NRG2: variants seen among roughly 807,000 people sequenced by gnomAD.
The protein encoded by NRG2 is neuregulin 2, also known as pro-neuregulin-2, membrane-bound isoform.
NRG2 carries 27 observed loss-of-function variants against 73.9 expected under a neutral mutation model. The observed-to-expected ratio is 0.37, with a 90% CI of 0.27 to 0.50. NRG2 has a LOEUF of 0.50. Among genes scored for constraint, NRG2 ranks in the 20% least tolerant of loss-of-function variants. The pLI is 0.96. For synonymous variants in NRG2, 532 were observed against 541.0 expected, an observed-to-expected ratio of 0.98 and a Z score of 0.23; for missense variants, 1,126 against 1,210.1, an observed-to-expected ratio of 0.93 and a Z score of 1.03.
intron 1 of NRG2, among the ~76,000 whole-genome samples, chr5:139,987,367 CAA>C (rs34895532): frequency 2.4e-4 from 8 of 33,222 alleles, no homozygotes; most frequent in South Asian, 1.2e-3. Flanking sequence ...GACTCTGTCT[CAA>C]AAAAAAAAAA....
At chr5:140,025,099 A>C (rs563433596) in intron 1 of NRG2, among the ~76,000 whole-genome samples, 5 of 152,308 alleles carry the variant, frequency 3.3e-5, no homozygotes, top group African/African-American at 1.2e-4. Context: ...TCATTATTTC[A>C]AAACGAAAAA....
intron 1 of NRG2, among the ~76,000 whole-genome samples, chr5:139,929,718 C>A (rs1353728940): frequency 2.0e-5 from 3 of 152,126 alleles, no homozygotes; most frequent in Admixed American, 6.5e-5. Flanking sequence ...ATTGCTTCCC[C>A]CCTTGGTCAA....
At chr5:139,937,084 G>A (rs1225785013) in intron 1 of NRG2, among the ~76,000 whole-genome samples, 1 of 152,230 alleles carries the variant, frequency 6.6e-6, no homozygotes, top group Admixed American at 6.5e-5. Flanking sequence ...TTGCAGGCGT[G>A]AGCCACCGTG....
intron 1 of NRG2, among the ~76,000 whole-genome samples, chr5:140,001,946 G>T (rs1758518725): frequency 6.6e-6 from 1 of 152,128 alleles, no homozygotes; most frequent in Non-Finnish European, 1.5e-5. Flanking sequence ...ACTTTGGAAG[G>T]CTAAGGTGGG....
chr5:139,964,260 G>A (rs995414217), intron 1 of NRG2, among the ~76,000 whole-genome samples: 2 of 152,132 alleles, frequency 1.3e-5, no homozygotes, highest in Non-Finnish European at 2.9e-5. Context: ...GCCCTCCAAT[G>A]TCTACCCTAC....
intron 1 of NRG2, among the ~76,000 whole-genome samples, chr5:139,932,920 T>A (rs1195878104): frequency 6.6e-6 from 1 of 152,090 alleles, no homozygotes; most frequent in African/African-American, 2.4e-5. Flanking sequence ...ATATTAATAA[T>A]TATATTAAAT....
chr5:140,002,667 C>T (rs1426692643), intron 1 of NRG2, among the ~76,000 whole-genome samples: 1 of 152,180 alleles, frequency 6.6e-6, no homozygotes, highest in Non-Finnish European at 1.5e-5. Context: ...CAGTCATCAA[C>T]TCTGGGTGAG....
At chr5:139,871,681 C>T (rs1416590980) in intron 4 of NRG2, 40 bp downstream of exon 4, 2 of 1,611,746 alleles carry the variant, frequency 1.2e-6, no homozygotes, top group East Asian at 4.5e-5. Context: ...CATCTCCTAC[C>T]CTGTTCTTGC....
intron 1 of NRG2, among the ~76,000 whole-genome samples, chr5:139,945,862 A>G (rs1753766083): frequency 6.6e-6 from 1 of 152,100 alleles, no homozygotes; most frequent in African/African-American, 2.4e-5. Flanking sequence ...TTCCATTTAT[A>G]ATAGCATCAA....
intron 5 of NRG2, among the ~76,000 whole-genome samples, chr5:139,859,549 A>G (rs1401973878): frequency 6.6e-6 from 1 of 152,112 alleles, no homozygotes; most frequent in African/African-American, 2.4e-5. Context: ...CATGGGGCCT[A>G]TCTCTTGTCC....
intron 1 of NRG2, among the ~76,000 whole-genome samples, chr5:139,974,421 G>A (rs976371836): frequency 6.6e-6 from 1 of 152,084 alleles, no homozygotes; most frequent in Non-Finnish European, 1.5e-5. Context: ...CAGTCACTTT[G>A]AGCCAGGGGA....
At chr5:139,967,527 C>T (rs1755624851) in intron 1 of NRG2, among the ~76,000 whole-genome samples, 1 of 152,172 alleles carries the variant, frequency 6.6e-6, no homozygotes, top group African/African-American at 2.4e-5. Flanking sequence ...CAGTTGGTGG[C>T]CAGGTGGGAA....
chr5:140,029,693 A>C (rs1419147777), intron 1 of NRG2, among the ~76,000 whole-genome samples: 1 of 150,336 alleles, frequency 6.7e-6, no homozygotes, highest in Non-Finnish European at 1.5e-5. Flanking sequence ...GTCTCAAAAA[A>C]AAAAAAAAAA....
intron 1 of NRG2, among the ~76,000 whole-genome samples, chr5:139,949,185 G>GC (rs780435936): frequency 6.6e-6 from 1 of 152,094 alleles, no homozygotes; most frequent in Admixed American, 6.5e-5. Flanking sequence ...GGTTTGAGGA[G>GC]CCCCCATCTT....
At chr5:140,019,994 C>T (rs926062720) in intron 1 of NRG2, among the ~76,000 whole-genome samples, 1 of 152,246 alleles carries the variant, frequency 6.6e-6, no homozygotes, top group East Asian at 1.9e-4. Context: ...TCTCAGATGT[C>T]CATCCGCCTC....
At chr5:139,950,949 A>G (rs1394541094) in intron 1 of NRG2, among the ~76,000 whole-genome samples, 1 of 152,208 alleles carries the variant, frequency 6.6e-6, no homozygotes, top group Non-Finnish European at 1.5e-5. Flanking sequence ...GCTGCCAATA[A>G]CAGCTCCCAT....
chr5:139,856,046 G>A lies in NRG2; in HGVS notation c.1190-268C>T. ...TCCCCAAGCCCCATGCCTGCCCAGA[G>A]CACATGAGTGGAAAATGCAGGGGAA... is the stretch of plus-strand genomic sequence containing the variant. On this transcript the variant is annotated intron_variant, in intron 5 of 9. Coordinates refer to ENST00000361474, the MANE Select transcript of NRG2 (RefSeq NM_004883.3). This position sits in a 1 kb window ranked among gnomAD's most constrained non-coding sequence, Gnocchi z 4.2. The A allele has an allele frequency of 1.4e-5, 7 of 484,566 alleles. No homozygotes were observed. In the South Asian group the frequency reaches 1.9e-4, roughly 13 times the overall value. 30.0% of individuals were successfully genotyped at this position (484,566 alleles called of 1,614,324 possible). A position where few individuals can be genotyped will look rare whatever the true frequency, so the allele number is the denominator to read the frequency against.
At chr5:139,895,869 G>A (rs1011902627) in intron 1 of NRG2, among the ~76,000 whole-genome samples, 3 of 152,220 alleles carry the variant, frequency 2.0e-5, no homozygotes, top group Admixed American at 6.5e-5. Flanking sequence ...TGGGCTCTGG[G>A]CCAAAGTCTT....
Position 139,847,699 on chromosome 5 carries a change from C to A in NRG2, c.*218G>T. The A allele has an allele frequency of 2.8e-6, 1 of 353,082 alleles. No homozygotes were observed. The highest frequency in any genetic ancestry group is 5.0e-6 in the Non-Finnish European group (1 of 199,334). 21.9% of individuals were successfully genotyped at this position (353,082 alleles called of 1,614,324 possible). On this transcript the variant is annotated 3_prime_UTR_variant, in exon 10 of 10. Transcript: ENST00000361474. ...TCCGAAGCTGTAAATCAGGATGTTA[C>A]ATATAAATAGTTTCCCTATAAAAAC... is the stretch of plus-strand genomic sequence containing the variant.
Sources: gnomAD v4.1 joint callset for allele counts (sites outside exome capture counted in the v4.1 genomes callset) on GRCh38, gnomAD v4.1.1 for gene constraint, Gnocchi (gnomAD v3.1) non-coding constraint, MANE v1.5 for transcripts, NCBI Gene and HGNC (gene_info 2026-07-23, HGNC 2026-07-21) for gene names.